WDR93: variants seen among roughly 807,000 people sequenced by gnomAD.
WDR93 encodes the protein WD repeat-containing protein 93.
In WDR93, 73 loss-of-function variants were observed where a neutral mutation model predicts 82.9. That is an observed-to-expected ratio of 0.88 (90% CI 0.73 to 1.07). WDR93 has a LOEUF of 1.07. WDR93 is among the 50% of genes least tolerant of loss of function. The pLI, the probability that WDR93 is intolerant of heterozygous loss-of-function variation, is 0.00. For synonymous variants in WDR93, 283 were observed against 300.1 expected (o/e 0.94, Z 0.59); for missense variants, 738 against 826.0 (o/e 0.89, Z 1.31).
At chr15:89,702,112 C>A in intron 2 of WDR93, 63 bp downstream of exon 2, 1 of 1,500,544 alleles carries the variant, frequency 6.7e-7, no homozygotes, top group Non-Finnish European at 8.9e-7. Flanking sequence ...AAATGAAATC[C>A]CCTGATCCAG....
chr15:89,728,439 G>A (rs1391188628), intron 9 of WDR93, among the ~76,000 whole-genome samples: 1 of 152,174 alleles, frequency 6.6e-6, no homozygotes, highest in Non-Finnish European at 1.5e-5. Context: ...AAAGTCCTAA[G>A]GCTAATCCCT....
chr15:89,701,712 C>T lies in WDR93; in HGVS notation c.-35C>T. 1 of 1,581,704 alleles carries T rather than the reference C, an allele frequency of 6.3e-7. No individual in the cohort carries two copies. Among genetic ancestry groups the T allele is most frequent in the Non-Finnish European group, 8.6e-7 (1 of 1,163,222 alleles). ...TTGTTTACTTCTCTTATCAGCTTTT[C>T]AGTTTCATAGAGGTTCCCAGTGCCA... On this transcript the variant is annotated 5_prime_UTR_variant, in exon 2 of 17. Coordinates refer to ENST00000268130, the MANE Select transcript of WDR93 (RefSeq NM_020212.2).
At chr15:89,702,405 C>T (rs1158337198) in intron 2 of WDR93, among the ~76,000 whole-genome samples, 1 of 152,172 alleles carries the variant, frequency 6.6e-6, no homozygotes, top group Non-Finnish European at 1.5e-5. Context: ...GTGGTCATGC[C>T]TAGTGTTGTG....
rs1346591716 is a variant in WDR93 at position 89,700,900 on chromosome 15, T to C, written c.-40-807T>C. Among the ~76,000 whole-genome samples the C allele has an allele frequency of 3.9e-5, 6 of 152,126 alleles. No individual in the cohort carries two copies. The East Asian group carries it at 1.2e-3, about 29-fold the overall frequency. On this transcript the variant is annotated intron_variant, in intron 1 of 16. Transcript: ENST00000268130. ...GAAGTAAAGATTACTTGTTCTCTTC[T>C]TGTAGACATGAACTTTATTTGTATA...
intron 4 of WDR93, among the ~76,000 whole-genome samples, chr15:89,710,515 C>T (rs1296697288): frequency 1.3e-5 from 2 of 151,982 alleles, no homozygotes; most frequent in Non-Finnish European, 2.9e-5. Flanking sequence ...GTTACAGGGA[C>T]GTATAAGTTT....
chr15:89,736,361 A>AG (rs35064783), intron 14 of WDR93, among the ~76,000 whole-genome samples: 2 of 152,134 alleles, frequency 1.3e-5, no homozygotes, highest in Non-Finnish European at 2.9e-5. Flanking sequence ...CAGGACCCCC[A>AG]GGGGAGGCTC....
At chr15:89,703,174 T>C (rs1965555687) in intron 3 of WDR93, 32 bp downstream of exon 3, 3 of 1,611,762 alleles carry the variant, frequency 1.9e-6, no homozygotes, top group African/African-American at 1.3e-5. Flanking sequence ...TTTAGCCTCA[T>C]TTACAGGTAC....
intron 16 of WDR93, among the ~76,000 whole-genome samples, chr15:89,741,377 G>A (rs1360387865): frequency 1.1e-4 from 17 of 152,000 alleles, no homozygotes; most frequent in Admixed American, 9.8e-4. Flanking sequence ...ACAGGCATGC[G>A]CCACCACACC....
At chr15:89,739,991 C>A (rs1216214017) in intron 16 of WDR93, among the ~76,000 whole-genome samples, 1 of 152,158 alleles carries the variant, frequency 6.6e-6, no homozygotes, top group Non-Finnish European at 1.5e-5. Flanking sequence ...TACAATGAGA[C>A]CTTGGGCGAG....
At chr15:89,740,366 G>A (rs543618524) in intron 16 of WDR93, among the ~76,000 whole-genome samples, 2 of 152,294 alleles carry the variant, frequency 1.3e-5, no homozygotes, top group East Asian at 1.9e-4. Flanking sequence ...GTGCCTATTC[G>A]TCAGGAGACG....
At chr15:89,721,970 C>T in intron 7 of WDR93, 85 bp from the exon 8 acceptor site, 1 of 913,534 alleles carries the variant, frequency 1.1e-6, no homozygotes. Context: ...CCCTTCTTTT[C>T]CACCTTCTTT....
rs368864022 is a variant in WDR93 at position 89,727,243 on chromosome 15, G to A, written c.967G>A (p.Asp323Asn). ...CTCCGGGCAGAATCATTTCATCAAG[G>A]ACAGTCAGTGGGAGCAGCAAGCTGA... ...LGSGQNHFIKDSQWEQQAEIF... is the reference protein window; with the variant it reads ...LGSGQNHFIKNSQWEQQAEIF... The change falls in exon 9 of 17, where the codon GAC becomes AAC. Residue 323 changes from aspartate (D) to asparagine (N), a missense_variant. Asp to Asn is a conservative substitution (Grantham distance 23). Coordinates refer to ENST00000268130, the MANE Select transcript of WDR93 (RefSeq NM_020212.2). 73 of 1,614,062 alleles carry A rather than the reference G, an allele frequency of 4.5e-5. No individual in the cohort carries two copies. The highest frequency in any genetic ancestry group is 6.0e-5 in the Non-Finnish European group (71 of 1,180,030).
At chr15:89,736,364 G>A (rs555141162) in intron 14 of WDR93, among the ~76,000 whole-genome samples, 2 of 152,120 alleles carry the variant, frequency 1.3e-5, no homozygotes, top group Non-Finnish European at 2.9e-5. Context: ...GACCCCCAGG[G>A]GAGGCTCCAA....
rs1363358312 is a variant in WDR93, at chr15:89,716,966, A to G, written c.795+17A>G. The G allele has an allele frequency of 2.7e-6, 4 of 1,492,860 alleles. No homozygotes were observed. The highest frequency in any genetic ancestry group is 3.6e-6 in the Non-Finnish European group (4 of 1,107,010). 92.5% of individuals were successfully genotyped at this position (1,492,860 alleles called of 1,614,324 possible). A position where few individuals can be genotyped will look rare whatever the true frequency, so the allele number is the denominator to read the frequency against. ...TTAGAAATGGTAAGAAACTTTAAAG[A>G]AAATCTCCAGAGAGACTTAAGTTTG... is the stretch of plus-strand genomic sequence containing the variant. On this transcript the variant is annotated intron_variant, in intron 7 of 16. Transcript: ENST00000268130.
At chr15:89,714,279 C>T (rs557520770) in intron 5 of WDR93, 104 of 152,310 alleles carry the variant, frequency 6.8e-4, no homozygotes, top group South Asian at 1.0e-3. Context: ...GATACAGAGA[C>T]GATTAGCATG....
intron 7 of WDR93, among the ~76,000 whole-genome samples, chr15:89,718,859 C>T (rs1275883305): frequency 6.6e-6 from 1 of 152,206 alleles, no homozygotes; most frequent in Non-Finnish European, 1.5e-5. Context: ...AGGTCATCCA[C>T]CCGCTTTGGC....
At chr15:89,740,344 C>T (rs1159647319) in intron 16 of WDR93, among the ~76,000 whole-genome samples, 1 of 152,114 alleles carries the variant, frequency 6.6e-6, no homozygotes, top group Non-Finnish European at 1.5e-5. Flanking sequence ...TCGGTACCTC[C>T]CGGAGGGAAA....
At position 89,723,461 on chromosome 15, in the gene WDR93, G is replaced by A. The variant is rs186169105; in HGVS notation, c.880+1322G>A. 4.6e-5 allele frequency among the ~76,000 whole-genome samples: 7 copies of A among 152,092 alleles called. No homozygotes were observed. The East Asian group carries it at 7.7e-4, about 17-fold the overall frequency. ...GGTTCAAAATCAAGAACAACCCCCC[G>A]AAAAGGGAAATGCCAAAGGCGAAGA... On this transcript the variant is annotated intron_variant, in intron 8 of 16. Coordinates refer to ENST00000268130, the MANE Select transcript of WDR93 (RefSeq NM_020212.2).
At chr15:89,741,194 TCA>T (rs1283902175) in intron 16 of WDR93, among the ~76,000 whole-genome samples, 1 of 152,226 alleles carries the variant, frequency 6.6e-6, no homozygotes, top group Non-Finnish European at 1.5e-5. Flanking sequence ...TACACATAAA[TCA>T]CACCAGAATC....
Sources: gnomAD v4.1 joint callset for allele counts (sites outside exome capture counted in the v4.1 genomes callset) on GRCh38, gnomAD v4.1.1 for gene constraint, MANE v1.5 for transcripts, NCBI Gene and HGNC (gene_info 2026-07-23, HGNC 2026-07-21) for gene names.